The following SINHCAF variants were observed in gnomAD, a reference collection of about 807,000 sequenced individuals.
The protein encoded by SINHCAF is SIN3-HDAC complex associated factor.
Under a neutral mutation model 25.8 loss-of-function variants are expected in SINHCAF, and 3 were observed. The observed-to-expected ratio is 0.12, with a 90% CI of 0.05 to 0.30. The LOEUF (loss-of-function observed/expected upper bound fraction) is 0.30. SINHCAF is among the 10% of genes least tolerant of loss of function. The pLI is 1.00. For missense variants in SINHCAF, 121 were observed against 262.3 expected, an observed-to-expected ratio of 0.46 and a Z score of 3.72; for synonymous variants, 70 against 85.5, an observed-to-expected ratio of 0.82 and a Z score of 1.00.
chr12:31,284,845 A>C (rs1937967375), intron 5 of SINHCAF, among the ~76,000 whole-genome samples: 1 of 152,142 alleles, frequency 6.6e-6, no homozygotes. Flanking sequence ...ATTAATTACC[A>C]TGGCTTCATA....
At chr12:31,298,494 A>G in intron 1 of SINHCAF, 1 of 366,526 alleles carries the variant, frequency 2.7e-6, no homozygotes, top group East Asian at 5.7e-5. Context: ...AATGGGGAAG[A>G]GAAGCATTTT....
chr12:31,290,022 T>C (rs1938240590), intron 4 of SINHCAF, among the ~76,000 whole-genome samples: 1 of 151,874 alleles, frequency 6.6e-6, no homozygotes, highest in Non-Finnish European at 1.5e-5. Context: ...AGAGACAAGG[T>C]CTCGTTATTT....
Position 31,324,356 on chromosome 12 carries a change from GC to G in SINHCAF, c.-21+1667del, listed in dbSNP as rs1246337807. Reference sequence around the variant, plus strand: ...ACGAGAAACCGGCCGAGCAGTCCGGGCCAAGCTCCCCGGAACCCTCGGCCGT... The same window carrying G: ...ACGAGAAACCGGCCGAGCAGTCCGGGCAAGCTCCCCGGAACCCTCGGCCGT... On this transcript the variant is annotated intron_variant, in intron 1 of 5. Coordinates refer to ENST00000337682, the MANE Select transcript of SINHCAF (RefSeq NM_001135812.2). The surrounding 1 kb of genome is among the most constrained non-coding windows in gnomAD (Gnocchi z 5.5). 2 of 164,388 alleles carry G rather than the reference GC, an allele frequency of 1.2e-5. No homozygotes were observed. The highest frequency in any genetic ancestry group is 3.5e-4 in the South Asian group (2 of 5,794). The allele number at this position is 164,388 out of a possible 1,614,324, so 10.2% of individuals were successfully genotyped here. A position where few individuals can be genotyped will look rare whatever the true frequency, so the allele number is the denominator to read the frequency against.
intron 1 of SINHCAF, among the ~76,000 whole-genome samples, chr12:31,306,789 A>G (rs1939043315): frequency 6.6e-6 from 1 of 152,226 alleles, no homozygotes; most frequent in Non-Finnish European, 1.5e-5. Context: ...CTCTTTCCAT[A>G]GCATTCCAAA....
chr12:31,303,001 C>T (rs1938869797), intron 1 of SINHCAF: 3 of 985,190 alleles, frequency 3.0e-6, no homozygotes, highest in Admixed American at 6.2e-5. Flanking sequence ...ACACTATCAT[C>T]AATCATCTAT....
Position 31,316,258 on chromosome 12 carries a change from T to C in SINHCAF, c.-21+9766A>G, listed in dbSNP as rs1939491958. On this transcript the variant is annotated intron_variant, in intron 1 of 5. Transcript: ENST00000337682. Reference sequence around the variant, plus strand: ...TCCCAAAGTTAAAAAAGATTAAAGGTAATAGCTAAGTCAGCAAAAGCAATT... The same window carrying C: ...TCCCAAAGTTAAAAAAGATTAAAGGCAATAGCTAAGTCAGCAAAAGCAATT... Among the ~76,000 whole-genome samples, 8 of 151,886 alleles carry C rather than the reference T, an allele frequency of 5.3e-5. 1 individual carries two copies. In the South Asian group the frequency reaches 1.7e-3, roughly 32 times the overall value.
At chr12:31,296,372 C>T (rs944421187) in intron 2 of SINHCAF, among the ~76,000 whole-genome samples, 1 of 150,976 alleles carries the variant, frequency 6.6e-6, no homozygotes, top group Non-Finnish European at 1.5e-5. Context: ...TGCCATGTTG[C>T]CCAGGCTGGT....
chr12:31,291,119 G>A (rs548476914), intron 4 of SINHCAF, among the ~76,000 whole-genome samples: 23 of 152,160 alleles, frequency 1.5e-4, no homozygotes, highest in Non-Finnish European at 3.1e-4. Flanking sequence ...CAAAGTCAAT[G>A]AGCAAAGCTG....
At chr12:31,293,263 C>CA (rs1344136035) in intron 4 of SINHCAF, among the ~76,000 whole-genome samples, 1 of 152,130 alleles carries the variant, frequency 6.6e-6, no homozygotes, top group African/African-American at 2.4e-5. Context: ...AGCAACCCCC[C>CA]AAAACTTCCA....
chr12:31,306,179 A>G (rs1939019420), intron 1 of SINHCAF, among the ~76,000 whole-genome samples: 1 of 152,296 alleles, frequency 6.6e-6, no homozygotes, highest in African/African-American at 2.4e-5. Flanking sequence ...ATCATTACCA[A>G]TACATATTTA....
In SINHCAF at chr12:31,315,402, AGG is replaced by A. The variant is rs1431031327; in HGVS notation, c.-21+10620_-21+10621del. 2.0e-5 allele frequency among the ~76,000 whole-genome samples: 3 copies of A among 152,228 alleles called. No individual in the cohort carries two copies. In the East Asian group the frequency reaches 5.8e-4, roughly 29 times the overall value. On this transcript the variant is annotated intron_variant, in intron 1 of 5. Coordinates refer to ENST00000337682, the MANE Select transcript of SINHCAF (RefSeq NM_001135812.2). ...TTAACAAACTCCAGTTACAAACCCA[AGG>A]GGTCAGCTTTAGTTTGTAGGCAGTG...
chr12:31,326,010 T>C lies in SINHCAF; in HGVS notation c.-21+14A>G, dbSNP rs1186912949. ...AGACAGTTTTGCACTAGAAGCATGG[T>C]GAGAGTCACTCACCTTCCAAAAGCA... On this transcript the variant is annotated intron_variant, in intron 1 of 5. Coordinates refer to ENST00000337682, the MANE Select transcript of SINHCAF (RefSeq NM_001135812.2). The C allele has an allele frequency of 6.6e-6, 1 of 150,880 alleles. No individual in the cohort carries two copies. Among genetic ancestry groups the C allele is most frequent in the East Asian group, 1.9e-4 (1 of 5,156 alleles). The allele number at this position is 150,880 out of a possible 1,614,324, so 9.3% of individuals were successfully genotyped here.
At position 31,289,683 on chromosome 12, in the gene SINHCAF, C is replaced by G. The variant is rs1442008871; in HGVS notation, c.356-1899G>C. On this transcript the variant is annotated intron_variant, in intron 4 of 5. Coordinates refer to ENST00000337682, the MANE Select transcript of SINHCAF (RefSeq NM_001135812.2). ...CATACACCTTGCCCATCCCAGGACA[C>G]GTTGACAGAGCAATCCTTCCATTCA... Among the ~76,000 whole-genome samples, 11 of 152,220 alleles carry G rather than the reference C, an allele frequency of 7.2e-5. No individual in the cohort carries two copies. The East Asian group carries it at 2.1e-3, about 29-fold the overall frequency.
chr12:31,311,436 A>G (rs568974217), intron 1 of SINHCAF, among the ~76,000 whole-genome samples: 1 of 152,232 alleles, frequency 6.6e-6, no homozygotes, highest in East Asian at 1.9e-4. Context: ...TCCGATCTTC[A>G]TAAGGGTCAG....
At chr12:31,283,855 T>TACACACAC (rs57162055) in intron 5 of SINHCAF, among the ~76,000 whole-genome samples, 3,814 of 140,504 alleles carry the variant, frequency 0.027, 56 homozygotes, top group East Asian at 0.055. Context: ...AGTTATCCAT[T>TACACACAC]ACACACACAC....
intron 4 of SINHCAF, among the ~76,000 whole-genome samples, chr12:31,289,184 C>T (rs1367963881): frequency 6.6e-6 from 1 of 152,090 alleles, no homozygotes; most frequent in East Asian, 1.9e-4. Context: ...AAACATACAT[C>T]TACATTCATG....
At chr12:31,293,954 T>C (rs1938444043) in intron 3 of SINHCAF, 23 bp from the exon 4 acceptor site, 1 of 1,564,656 alleles carries the variant, frequency 6.4e-7, no homozygotes. Flanking sequence ...ACTGAATATT[T>C]AATAATATTT....
chr12:31,297,020 T>TA (rs1938578081), intron 2 of SINHCAF: 1 of 441,998 alleles, frequency 2.3e-6, no homozygotes, highest in South Asian at 1.6e-5. Context: ...CACTCCAGCC[T>TA]AGGCAACATA....
chr12:31,323,553 T>C (rs1939795150), intron 1 of SINHCAF, among the ~76,000 whole-genome samples: 2 of 152,142 alleles, frequency 1.3e-5, no homozygotes, highest in African/African-American at 4.8e-5. Context: ...TCCGAGTGCC[T>C]GAAGTAATGG....
Sources: gnomAD v4.1 joint callset for allele counts (sites outside exome capture counted in the v4.1 genomes callset) on GRCh38, gnomAD v4.1.1 for gene constraint, Gnocchi (gnomAD v3.1) non-coding constraint, MANE v1.5 for transcripts, NCBI Gene and HGNC (gene_info 2026-07-23, HGNC 2026-07-21) for gene names.